Variants in XPNPEP1 observed in about 807,000 individuals in gnomAD.
XPNPEP1 encodes the protein X-prolyl aminopeptidase 1, also known as xaa-Pro aminopeptidase 1.
A neutral mutation model predicts 92.4 loss-of-function variants in XPNPEP1; 39 were observed. The ratio of observed to expected loss-of-function variants is 0.42; its 90% CI spans 0.33 to 0.55. XPNPEP1 has a LOEUF of 0.55. Ranked by LOEUF, XPNPEP1 falls within the 20% of genes least tolerant of loss-of-function variation. The probability of loss-of-function intolerance (pLI) is 0.08; values close to 1 mark genes in which losing one functional copy is unlikely to be tolerated. For missense variants in XPNPEP1, 654 were observed against 856.1 expected, an observed-to-expected ratio of 0.76 and a Z score of 2.95; for synonymous variants, 307 against 299.4, an observed-to-expected ratio of 1.03 and a Z score of -0.26.
chr10:109,914,054 T>C (rs550086624), intron 2 of XPNPEP1, among the ~76,000 whole-genome samples: 9 of 150,520 alleles, frequency 6.0e-5, no homozygotes, highest in Non-Finnish European at 1.2e-4. Flanking sequence ...TGGTTTCTTA[T>C]GTACTTCAAG....
At chr10:109,920,035 A>T (rs1390740201) in intron 1 of XPNPEP1, among the ~76,000 whole-genome samples, 1 of 139,902 alleles carries the variant, frequency 7.1e-6, no homozygotes, top group African/African-American at 2.6e-5. Context: ...CGTCTCATTT[A>T]AAAAAAAAAA....
At chr10:109,875,506 A>C (rs772019127) in intron 15 of XPNPEP1, 22 bp downstream of exon 15, 2 of 1,612,392 alleles carry the variant, frequency 1.2e-6, no homozygotes, top group Non-Finnish European at 1.7e-6. Context: ...GTCAAGTTCC[A>C]CAGCAGTCCT....
Position 109,909,243 on chromosome 10 carries a change from C to A in XPNPEP1, c.122-1428G>T, listed in dbSNP as rs1385120379. On this transcript the variant is annotated intron_variant, in intron 2 of 20. Coordinates refer to ENST00000502935, the MANE Select transcript of XPNPEP1 (RefSeq NM_020383.4). ...CCAGGATTGCACCACTACACTCCAG[C>A]CTGGGCAACAGAGTGAGACTCTGTC... is the stretch of plus-strand genomic sequence containing the variant. Among the ~76,000 whole-genome samples, 2 of 151,426 alleles carry A rather than the reference C, an allele frequency of 1.3e-5. 1 individual carries two copies. The highest frequency in any genetic ancestry group is 4.2e-4 in the South Asian group (2 of 4,776).
rs115088881 is a variant in XPNPEP1, at chr10:109,907,752, T to C, written c.185A>G (p.Asn62Ser). ...GATCGGTTCGGTCACATACTCAGAG[T>C]TCCTCATGGCTTGTCTCAGCTGCCG... ...LLRQLRQAMR[N>S]SEYVTEPIQA... Residue 62 changes from asparagine to serine, a missense_variant, in exon 3 of 21, where the codon AAC (asparagine) becomes AGC (serine). Physicochemically the swap from Asn to Ser is conservative, Grantham distance 46. Coordinates refer to ENST00000502935, the MANE Select transcript of XPNPEP1 (RefSeq NM_020383.4). 241 of 1,614,064 alleles carry C rather than the reference T, an allele frequency of 1.5e-4. 1 individual carries two copies. The African/African-American group carries it at 3.1e-3, about 21-fold the overall frequency.
At chr10:109,870,934 A>G (rs1847429979) in intron 17 of XPNPEP1, 30 bp from the exon 18 acceptor site, 4 of 1,608,318 alleles carry the variant, frequency 2.5e-6, no homozygotes, top group Middle Eastern at 1.7e-4. Flanking sequence ...ACTTAATTGT[A>G]TTTGTACAGC....
chr10:109,886,574 A>G (rs1336821213), intron 7 of XPNPEP1, among the ~76,000 whole-genome samples: 1 of 152,146 alleles, frequency 6.6e-6, no homozygotes, highest in Non-Finnish European at 1.5e-5. Flanking sequence ...GCATCCCACA[A>G]ATGCCTGTGT....
Position 109,888,196 on chromosome 10 carries a change from A to C in XPNPEP1, c.509-4T>G. 1 of 1,610,078 alleles carries C rather than the reference A, an allele frequency of 6.2e-7. No homozygotes were observed. Among genetic ancestry groups the C allele is most frequent in the Non-Finnish European group, 8.5e-7 (1 of 1,179,812 alleles). On this transcript the variant is annotated splice_region_variant and splice_polypyrimidine_tract_variant and intron_variant, in intron 6 of 20. Transcript: ENST00000502935. ...TTGGCCATTTTCTTCCAATAATCTG[A>C]GGAGACACATTGTGGCCCAGCCATG...
chr10:109,874,221 C>T (rs2475275), intron 15 of XPNPEP1, among the ~76,000 whole-genome samples: 76,177 of 152,094 alleles, frequency 0.5, 20,070 homozygotes, highest in Non-Finnish European at 0.6. Flanking sequence ...CAGCCCCTGA[C>T]ACACGCATTC....
intron 8 of XPNPEP1, 113 bp downstream of exon 8, chr10:109,886,133 T>G (rs573094986): frequency 1.7e-5 from 18 of 1,036,894 alleles, no homozygotes; most frequent in African/African-American, 6.3e-5. Flanking sequence ...TGACGTAGTC[T>G]TCTTCTTATT....
intron 15 of XPNPEP1, 50 bp downstream of exon 15, chr10:109,875,478 C>T (rs779807225): frequency 5.1e-6 from 8 of 1,576,996 alleles, no homozygotes; most frequent in Non-Finnish European, 7.0e-6. Context: ...CCACCTTCTC[C>T]ACTGCCTCGA....
intron 1 of XPNPEP1, among the ~76,000 whole-genome samples, chr10:109,921,491 G>C (rs756047473): frequency 3.2e-4 from 48 of 152,160 alleles, no homozygotes; most frequent in Non-Finnish European, 5.7e-4. Context: ...AGAAATTCTG[G>C]CAGGGTTCTG....
At position 109,891,604 on chromosome 10, in the gene XPNPEP1, G is replaced by GA. The variant is rs1210749148; in HGVS notation, c.415+117dup. 8.9e-6 allele frequency: 7 copies of GA among 784,826 alleles called. No homozygotes were observed. The East Asian group carries it at 2.1e-4, about 23-fold the overall frequency. The allele number at this position is 784,826 out of a possible 1,614,324, so 48.6% of individuals were successfully genotyped here. A position where few individuals can be genotyped will look rare whatever the true frequency, so the allele number is the denominator to read the frequency against. ...TTTTTTTTTTTCTCAGTTTTCCTTGGATTCTCAAAAGGGTCCATGACTGCA... is the reference window on the plus strand; with the variant it reads ...TTTTTTTTTTTCTCAGTTTTCCTTGGAATTCTCAAAAGGGTCCATGACTGCA... On this transcript the variant is annotated intron_variant, in intron 5 of 20. Transcript: ENST00000502935.
At position 109,878,038 on chromosome 10, in the gene XPNPEP1, T is replaced by C. The variant is rs781044183; in HGVS notation, c.1203A>G (p.Thr401=). The C allele has an allele frequency of 1.2e-6, 2 of 1,614,124 alleles. No individual in the cohort carries two copies. The highest frequency in any genetic ancestry group is 1.7e-6 in the Non-Finnish European group (2 of 1,180,038). Residue 401 remains threonine, a synonymous_variant, in exon 13 of 21, where the codon ACA becomes ACG. Transcript: ENST00000502935. ...CAGCTTTGTCAGCAGCTGAGATCTCTGTCACACCACCTTTGGGAACCTATG... is the reference window on the plus strand; with the variant it reads ...CAGCTTTGTCAGCAGCTGAGATCTCCGTCACACCACCTTTGGGAACCTATG... ...LEKEVPKGGV[T]EISAADKAEE...
At chr10:109,898,760 T>C (rs1240324827) in intron 3 of XPNPEP1, among the ~76,000 whole-genome samples, 1 of 152,212 alleles carries the variant, frequency 6.6e-6, no homozygotes, top group Non-Finnish European at 1.5e-5. Context: ...CTGCAAGTTC[T>C]AGAGAGACAC....
rs1435520755 is a variant in XPNPEP1, at chr10:109,891,718, C to T, written c.415+4G>A. ...AAGTTTGGGCTAGCCATGCCTGTAC[C>T]CACCCATCTTCATAAGTGTCCAGTT... On this transcript the variant is annotated splice_donor_region_variant and intron_variant, in intron 5 of 20. Transcript: ENST00000502935. 1.3e-6 allele frequency: 2 copies of T among 1,566,536 alleles called. No homozygotes were observed. The highest frequency in any genetic ancestry group is 1.7e-6 in the Non-Finnish European group (2 of 1,162,150).
In XPNPEP1 at chr10:109,904,125, G is replaced by A. The variant is rs144413458; in HGVS notation, c.246+3566C>T. Among the ~76,000 whole-genome samples, 127 of 150,968 alleles carry A rather than the reference G, an allele frequency of 8.4e-4. 1 individual carries two copies. Among genetic ancestry groups the A allele is most frequent in the African/African-American group, 3.0e-3 (123 of 41,034 alleles). On this transcript the variant is annotated intron_variant, in intron 3 of 20. Transcript: ENST00000502935. ...CTTCCAAAATGCTCGGATTACAGGCGTGAGCCACCACACCCAGCCTGAAGT... is the reference window on the plus strand; with the variant it reads ...CTTCCAAAATGCTCGGATTACAGGCATGAGCCACCACACCCAGCCTGAAGT...
At chr10:109,890,593 TGAGAGA>T (rs34618002) in intron 5 of XPNPEP1, among the ~76,000 whole-genome samples, 17,394 of 103,398 alleles carry the variant, frequency 0.17, 1,316 homozygotes, top group South Asian at 0.23. Context: ...TGTGTGTGTG[TGAGAGA>T]GAGAGAGAGA....
Position 109,896,112 on chromosome 10 carries a change from A to G in XPNPEP1, c.247-3037T>C, listed in dbSNP as rs181529561. 1.3e-3 allele frequency among the ~76,000 whole-genome samples: 194 copies of G among 152,216 alleles called. 2 individuals are homozygous for G. Among genetic ancestry groups the G allele is most frequent in the African/African-American group, 4.6e-3 (190 of 41,520 alleles). On this transcript the variant is annotated intron_variant, in intron 3 of 20. Transcript: ENST00000502935. ...TTGGCACATGTGCTTCCTTGTGCCT[A>G]TAAAAGTATTTCTGATCATGGTATG...
chr10:109,898,771 T>TA (rs1485408628), intron 3 of XPNPEP1, among the ~76,000 whole-genome samples: 1 of 152,170 alleles, frequency 6.6e-6, no homozygotes, highest in East Asian at 1.9e-4. Flanking sequence ...AGAGAGACAC[T>TA]AAAAGTTGAA....
Sources: allele counts gnomAD v4.1 joint callset (sites outside exome capture counted in the v4.1 genomes callset), GRCh38; gene constraint gnomAD v4.1.1; transcripts MANE v1.5; gene names NCBI Gene and HGNC (gene_info 2026-07-23, HGNC 2026-07-21).